Variants in ARHGEF7 observed in about 807,000 individuals in gnomAD.
ARHGEF7 encodes Rho guanine nucleotide exchange factor 7.
Under a neutral mutation model 109.8 loss-of-function variants are expected in ARHGEF7, and 33 were observed. That is an observed-to-expected ratio of 0.30 (90% confidence interval 0.23 to 0.40). The LOEUF is 0.40. Among genes scored for constraint, ARHGEF7 ranks in the 10% least tolerant of loss-of-function variants. The pLI is 1.00. For missense variants in ARHGEF7, 938 were observed against 1,098.5 expected, an observed-to-expected ratio of 0.85 and a Z score of 2.07; for synonymous variants, 458 against 424.6, an observed-to-expected ratio of 1.08 and a Z score of -0.97.
intron 2 of ARHGEF7, among the ~76,000 whole-genome samples, chr13:111,188,390 G>T (rs1223435885): frequency 6.6e-6 from 1 of 152,216 alleles, no homozygotes; most frequent in Non-Finnish European, 1.5e-5. Flanking sequence ...AGAGTGAGTT[G>T]CCTGTAGAAA....
At position 111,221,369 on chromosome 13, in the gene ARHGEF7, A is replaced by ATATATAGATGTC. The variant is rs1566871995; in HGVS notation, c.670+3495_670+3496insGATGTCTATATA. On this transcript the variant is annotated intron_variant, in intron 5 of 21. Coordinates refer to ENST00000646102, the MANE Select transcript of ARHGEF7 (RefSeq NM_001354046.2). ...TATATATGTCTATATATATATCTATATATATATCTATATATATAGATGTCT... is the reference window on the plus strand; with the variant it reads ...TATATATGTCTATATATATATCTATATATATAGATGTCTATATATCTATATATATAGATGTCT... Among the ~76,000 whole-genome samples, 20 of 31,390 alleles carry ATATATAGATGTC rather than the reference A, an allele frequency of 6.4e-4. 9 individuals are homozygous for ATATATAGATGTC. The highest frequency in any genetic ancestry group is 2.3e-3 in the African/African-American group (18 of 7,748). 20.6% of individuals were successfully genotyped at this position (31,390 alleles called of 152,430 possible).
At chr13:111,137,783 T>C (rs950988679) in intron 1 of ARHGEF7, among the ~76,000 whole-genome samples, 8 of 152,128 alleles carry the variant, frequency 5.3e-5, no homozygotes, top group African/African-American at 1.7e-4. Flanking sequence ...TGATGAAATA[T>C]GTTACTTAAA....
intron 2 of ARHGEF7, among the ~76,000 whole-genome samples, chr13:111,167,766 G>A (rs779736094): frequency 1.1e-4 from 16 of 152,172 alleles, no homozygotes; most frequent in Non-Finnish European, 1.5e-4. Context: ...AGGCACACAC[G>A]GACTCTTTTT....
chr13:111,245,870 C>T (rs537003838), intron 8 of ARHGEF7, among the ~76,000 whole-genome samples: 5 of 152,296 alleles, frequency 3.3e-5, no homozygotes, highest in South Asian at 2.1e-4. Context: ...GCGAGAAATA[C>T]GCATTAAAAT....
chr13:111,167,570 G>A (rs2077227416), intron 2 of ARHGEF7, among the ~76,000 whole-genome samples: 1 of 152,202 alleles, frequency 6.6e-6, no homozygotes, highest in South Asian at 2.1e-4. Context: ...CCCTGCATGT[G>A]TGACATGATA....
At chr13:111,124,612 A>G (rs1054968612) in intron 1 of ARHGEF7, among the ~76,000 whole-genome samples, 6 of 152,204 alleles carry the variant, frequency 3.9e-5, no homozygotes, top group Admixed American at 2.0e-4. Context: ...TGACTCTCAG[A>G]CAGGTGGCTT....
chr13:111,249,296 T>C (rs143768659), intron 8 of ARHGEF7, among the ~76,000 whole-genome samples: 13 of 152,208 alleles, frequency 8.5e-5, no homozygotes, highest in East Asian at 1.9e-4. Flanking sequence ...CCCCAGAATA[T>C]ACCTGATGCT....
intron 2 of ARHGEF7, among the ~76,000 whole-genome samples, chr13:111,178,966 C>A (rs947880052): frequency 2.0e-5 from 3 of 152,098 alleles, no homozygotes; most frequent in African/African-American, 7.2e-5. Flanking sequence ...CCGTCCCCCC[C>A]CTTTTTTTTT....
At chr13:111,194,966 C>G (rs1353730247) in intron 2 of ARHGEF7, among the ~76,000 whole-genome samples, 4 of 152,224 alleles carry the variant, frequency 2.6e-5, no homozygotes, top group African/African-American at 4.8e-5. Context: ...AGAGGAATTA[C>G]TGCCTCATTG....
intron 1 of ARHGEF7, among the ~76,000 whole-genome samples, chr13:111,117,968 T>C (rs1242080619): frequency 6.6e-6 from 1 of 152,256 alleles, no homozygotes; most frequent in Non-Finnish European, 1.5e-5. Context: ...TCTGAGGATG[T>C]TTTTTCCTTA....
At chr13:111,139,902 A>G (rs79459177) in intron 1 of ARHGEF7, among the ~76,000 whole-genome samples, 2,492 of 152,342 alleles carry the variant, frequency 0.016, 57 homozygotes, top group African/African-American at 0.056. Context: ...CAATCTCAAC[A>G]GGGAGGGTTG....
chr13:111,149,181 G>A (rs1011279314), intron 1 of ARHGEF7, among the ~76,000 whole-genome samples: 9 of 151,772 alleles, frequency 5.9e-5, no homozygotes, highest in Admixed American at 1.3e-4. Flanking sequence ...AGTCTGAGGC[G>A]GGCAGATTGC....
chr13:111,189,910 C>T lies in ARHGEF7; in HGVS notation c.253-15379C>T, dbSNP rs184241225. On this transcript the variant is annotated intron_variant, in intron 2 of 21. Transcript: ENST00000646102. ...CAGAAAAGTTCTCCAAGTCCCCACC[C>T]GACCCAGAAGCCCAGCTGGCTTCAC... Among the ~76,000 whole-genome samples, 8 of 152,326 alleles carry T rather than the reference C, an allele frequency of 5.3e-5. No individual in the cohort carries two copies. In the East Asian group the frequency reaches 1.3e-3, roughly 26 times the overall value.
chr13:111,267,497 G>A, intron 8 of ARHGEF7, 51 bp from the exon 9 acceptor site: 9 of 1,608,102 alleles, frequency 5.6e-6, no homozygotes, highest in Non-Finnish European at 7.6e-6. Context: ...GTTAGCAGTT[G>A]TCCTGTCTGT....
In ARHGEF7 at chr13:111,255,222, G is replaced by T. The variant is rs1003609910; in HGVS notation, c.950+10928G>T. Among the ~76,000 whole-genome samples the T allele has an allele frequency of 3.3e-5, 5 of 152,240 alleles. No individual in the cohort carries two copies. The highest frequency in any genetic ancestry group is 5.9e-5 in the Non-Finnish European group (4 of 68,048). On this transcript the variant is annotated intron_variant, in intron 8 of 21. Transcript: ENST00000646102. The surrounding 1 kb of genome is among the most constrained non-coding windows in gnomAD (Gnocchi z 4.1). Reference sequence around the variant, plus strand: ...CTCAGAAGAGGATTCGGGCTAAGGCGCTGAGTTCCGTTTGGGGTTGCTGTG... The same window carrying T: ...CTCAGAAGAGGATTCGGGCTAAGGCTCTGAGTTCCGTTTGGGGTTGCTGTG...
chr13:111,279,270 G>A, intron 13 of ARHGEF7, among the ~76,000 whole-genome samples: 1 of 152,096 alleles, frequency 6.6e-6, no homozygotes, highest in East Asian at 1.9e-4. Context: ...TTTAGGATGA[G>A]ATTTCTCAGC....
chr13:111,167,536 C>G (rs1163823384), intron 2 of ARHGEF7, among the ~76,000 whole-genome samples: 1 of 152,152 alleles, frequency 6.6e-6, no homozygotes, highest in African/African-American at 2.4e-5. Flanking sequence ...CTCCTATCCC[C>G]CAGTTCAGGA....
intron 17 of ARHGEF7, 93 bp downstream of exon 17, chr13:111,286,333 T>C: frequency 1.9e-6 from 2 of 1,034,168 alleles, no homozygotes; most frequent in South Asian, 2.6e-5. Flanking sequence ...GGTGGCTTTC[T>C]GAAGACTCCA....
At chr13:111,301,441 C>A in intron 20 of ARHGEF7, 37 bp from the exon 21 acceptor site, 1 of 1,591,996 alleles carries the variant, frequency 6.3e-7, no homozygotes, top group Non-Finnish European at 8.6e-7. Flanking sequence ...CCATGCCTCA[C>A]CTTGTTCATG....
Sources: allele counts gnomAD v4.1 joint callset (sites outside exome capture counted in the v4.1 genomes callset), GRCh38; gene constraint gnomAD v4.1.1; non-coding constraint Gnocchi (gnomAD v3.1); transcripts MANE v1.5; gene names NCBI Gene and HGNC (gene_info 2026-07-23, HGNC 2026-07-21).